Variants in BIRC6 observed in about 807,000 individuals in gnomAD.
The protein encoded by BIRC6 is baculoviral IAP repeat containing 6, also known as dual E2 ubiquitin-conjugating enzyme/E3 ubiquitin-protein ligase BIRC6.
Under a neutral mutation model 503.3 loss-of-function variants are expected in BIRC6, and 98 were observed. The ratio of observed to expected loss-of-function variants is 0.19; its 90% confidence interval spans 0.17 to 0.23. The LOEUF (loss-of-function observed/expected upper bound fraction) is 0.23. Among genes scored for constraint, BIRC6 ranks in the 10% least tolerant of loss-of-function variants. The pLI, the probability that BIRC6 is intolerant of heterozygous loss-of-function variation, is 1.00. For synonymous variants in BIRC6, 2,240 were observed against 2,078.7 expected (o/e 1.08, Z -2.11); for missense variants, 5,360 against 5,806.0 (o/e 0.92, Z 2.50).
chr2:32,584,288 G>A lies in BIRC6; in HGVS notation c.13355+8922G>A, dbSNP rs141222182. ...CTCTCACCTTTAATCCCAGCCCTTC[G>A]GGAGGCCAAGGCAGACAAATTAACT... On this transcript the variant is annotated intron_variant, in intron 66 of 73. Transcript: ENST00000421745. Among the ~76,000 whole-genome samples, 714 of 152,138 alleles carry A rather than the reference G, an allele frequency of 4.7e-3. 7 individuals carry two copies. The highest frequency in any genetic ancestry group is 0.017 in the African/African-American group (686 of 41,506).
At position 32,433,680 on chromosome 2, in the gene BIRC6, A is replaced by T. The variant is rs1574171776; in HGVS notation, c.3285A>T (p.Leu1095=). 6.2e-7 allele frequency: 1 copy of T among 1,602,482 alleles called. No homozygotes were observed. The highest frequency in any genetic ancestry group is 8.5e-7 in the Non-Finnish European group (1 of 1,171,728). ...SWDEHVFELV[L]PKACMVGHVD... is the part of the protein sequence containing the mutation. ...ATGAACATGTATTTGAATTAGTACT[A>T]CCTAAAGCTTGTATGGTTGGACATG... The change falls in exon 13 of 74, where the codon CTA becomes CTT. Residue 1095 remains leucine (L), a synonymous_variant. Coordinates refer to ENST00000421745, the MANE Select transcript of BIRC6 (RefSeq NM_016252.4).
intron 36 of BIRC6, 90 bp from the exon 37 acceptor site, chr2:32,479,372 C>A: frequency 1.6e-6 from 2 of 1,237,868 alleles, no homozygotes; most frequent in Non-Finnish European, 2.3e-6. Flanking sequence ...TTTATTCTGT[C>A]AGTGACTAAA....
Position 32,572,087 on chromosome 2 carries a change from A to T in BIRC6, c.13145-3069A>T, listed in dbSNP as rs970457131. On this transcript the variant is annotated intron_variant, in intron 65 of 73. Coordinates refer to ENST00000421745, the MANE Select transcript of BIRC6 (RefSeq NM_016252.4). ...TTTATTCCACTGTGGTCTTGAGAAGATACTTGATATGATTTCGATTTTCAA... is the reference window on the plus strand; with the variant it reads ...TTTATTCCACTGTGGTCTTGAGAAGTTACTTGATATGATTTCGATTTTCAA... Among the ~76,000 whole-genome samples, 5 of 152,250 alleles carry T rather than the reference A, an allele frequency of 3.3e-5. No individual in the cohort carries two copies. In the East Asian group the frequency reaches 9.6e-4, roughly 29 times the overall value.
chr2:32,455,792 GT>G (rs2148678536), intron 23 of BIRC6, among the ~76,000 whole-genome samples: 1 of 152,296 alleles, frequency 6.6e-6, no homozygotes, highest in Non-Finnish European at 1.5e-5. Flanking sequence ...AATGGAACGA[GT>G]TTCTTGTCTT....
chr2:32,543,281 C>T lies in BIRC6; in HGVS notation c.12332C>T (p.Pro4111Leu), dbSNP rs1390242930. ...PVVTSTTQEK[P>L]KDSDQFEWVT... ...GTAACATCTACCACTCAGGAAAAGCCGAAGGATAGCGATCAGTTTGAATGG... is the reference window on the plus strand; with the variant it reads ...GTAACATCTACCACTCAGGAAAAGCTGAAGGATAGCGATCAGTTTGAATGG... The change falls in exon 62 of 74, where the codon CCG (proline) becomes CTG (leucine). Residue 4111 changes from proline to leucine, a missense_variant. This residue lies in a region of BIRC6 where 878 missense variants were observed against 928.9 expected (regional missense o/e 0.95). Transcript: ENST00000421745. 19 of 1,613,806 alleles carry T rather than the reference C, an allele frequency of 1.2e-5. No homozygotes were observed. The South Asian group carries it at 1.2e-4, about 10-fold the overall frequency.
intron 48 of BIRC6, 72 bp from the exon 49 acceptor site, chr2:32,502,970 G>A: frequency 6.6e-7 from 1 of 1,516,080 alleles, no homozygotes; most frequent in South Asian, 1.2e-5. Flanking sequence ...GTAGTCTTTT[G>A]TGGAAGTTTA....
intron 61 of BIRC6, among the ~76,000 whole-genome samples, chr2:32,537,367 G>A (rs576551370): frequency 2.0e-4 from 31 of 152,052 alleles, no homozygotes; most frequent in Non-Finnish European, 1.2e-4. Context: ...TGGAAGTAAA[G>A]CACTCCTCAG....
At chr2:32,595,734 A>G (rs1186016569) in intron 68 of BIRC6, among the ~76,000 whole-genome samples, 2 of 152,196 alleles carry the variant, frequency 1.3e-5, no homozygotes, top group African/African-American at 4.8e-5. Context: ...CTTGGACTGT[A>G]TTTTTTTAAA....
intron 1 of BIRC6, among the ~76,000 whole-genome samples, chr2:32,374,402 G>A (rs1009870725): frequency 6.6e-6 from 1 of 151,918 alleles, no homozygotes; most frequent in Non-Finnish European, 1.5e-5. Flanking sequence ...GGGCTCAAGT[G>A]ATCCTCCCAC....
intron 6 of BIRC6, 41 bp downstream of exon 6, chr2:32,395,634 C>T (rs570187838): frequency 9.4e-6 from 14 of 1,489,828 alleles, no homozygotes; most frequent in African/African-American, 2.8e-5. Flanking sequence ...CTAAGTCAGT[C>T]GTGTAAATAA....
chr2:32,499,624 A>C lies in BIRC6; in HGVS notation c.8546A>C (p.Glu2849Ala). 2 of 1,613,718 alleles carry C rather than the reference A, an allele frequency of 1.2e-6. No homozygotes were observed. Among genetic ancestry groups the C allele is most frequent in the Non-Finnish European group, 1.7e-6 (2 of 1,179,842 alleles). Residue 2849 changes from glutamate (E) to alanine (A), a missense_variant, in exon 46 of 74, where the codon GAA (glutamate) becomes GCA (alanine). Transcript: ENST00000421745. Reference protein sequence around the residue: ...LLEFTLEQNFEVVSVSTISAV... With the variant: ...LLEFTLEQNFAVVSVSTISAV... Reference sequence around the variant, plus strand: ...GAATTCACTCTGGAGCAGAATTTTGAAGTCGTTTCAGTTAGTACTATTTCT... The same window carrying C: ...GAATTCACTCTGGAGCAGAATTTTGCAGTCGTTTCAGTTAGTACTATTTCT...
intron 61 of BIRC6, among the ~76,000 whole-genome samples, chr2:32,542,163 A>C (rs2057712916): frequency 6.6e-6 from 1 of 151,910 alleles, no homozygotes; most frequent in Non-Finnish European, 1.5e-5. Context: ...TGTATTTTCT[A>C]GGTATGTTTG....
rs763281926 is a variant in BIRC6 at position 32,464,571 on chromosome 2, A to C, written c.5004A>C (p.Ala1668=). Residue 1668 remains alanine, a synonymous_variant, in exon 25 of 74, where the codon GCA becomes GCC. Coordinates refer to ENST00000421745, the MANE Select transcript of BIRC6 (RefSeq NM_016252.4). The part of the protein sequence containing the change: ...TTAAAAAAAS[A]VGPVHNSVPS... ...CTGCAGCAGCTGCAGCAGCATCAGCAGTAGGTCCTGTTCACAACTCTGTGC... is the reference window on the plus strand; with the variant it reads ...CTGCAGCAGCTGCAGCAGCATCAGCCGTAGGTCCTGTTCACAACTCTGTGC... 1 of 1,609,774 alleles carries C rather than the reference A, an allele frequency of 6.2e-7. No homozygotes were observed.
chr2:32,361,637 G>A (rs1177507775), intron 1 of BIRC6, among the ~76,000 whole-genome samples: 1 of 152,094 alleles, frequency 6.6e-6, no homozygotes, highest in Non-Finnish European at 1.5e-5. Context: ...ATAAAGAATA[G>A]TTTCACTACC....
rs57008494 is a variant in BIRC6 at position 32,470,227 on chromosome 2, A to G, written c.6407A>G (p.Glu2136Gly). Residue 2136 changes from glutamate to glycine, a missense_variant, in exon 31 of 74, where the codon GAA becomes GGA. Around this residue, in one of 16 missense-constraint regions of BIRC6, gnomAD observed 2,299 missense variants for 2,267.2 expected, o/e 1.01. Transcript: ENST00000421745. ...QRSLSNSGVL[E>G]SLLNLLDNLL... ...TCACTTAGTAATAGTGGAGTATTAG[A>G]AAGCTTACTTAATCTCTTGGATAAT... 6.4e-6 allele frequency: 10 copies of G among 1,573,268 alleles called. No individual in the cohort carries two copies. The East Asian group carries it at 2.1e-4, about 32-fold the overall frequency.
intron 6 of BIRC6, 129 bp downstream of exon 6, chr2:32,395,722 G>T: frequency 1.4e-6 from 1 of 696,944 alleles, no homozygotes; most frequent in Admixed American, 2.2e-5. Flanking sequence ...ATTGTCCTGA[G>T]AATGAGCTAG....
chr2:32,383,933 C>T (rs977952661), intron 3 of BIRC6, among the ~76,000 whole-genome samples: 2 of 152,220 alleles, frequency 1.3e-5, no homozygotes, highest in African/African-American at 2.4e-5. Context: ...CATAAGTTCT[C>T]CTTGCCCCTG....
At chr2:32,560,833 C>T (rs2150675754) in intron 65 of BIRC6, among the ~76,000 whole-genome samples, 1 of 151,858 alleles carries the variant, frequency 6.6e-6, no homozygotes, top group South Asian at 2.1e-4. Context: ...CCTCCTGAGT[C>T]ACTGGGATTG....
chr2:32,478,901 C>T (rs935590901), intron 36 of BIRC6, 83 bp downstream of exon 36: 2 of 1,361,620 alleles, frequency 1.5e-6, no homozygotes, highest in Non-Finnish European at 2.0e-6. Context: ...GATCTTTAAC[C>T]CCTAGAGGGA....
Sources: gnomAD v4.1 joint callset for allele counts (sites outside exome capture counted in the v4.1 genomes callset) on GRCh38, gnomAD v4.1.1 for gene constraint, gnomAD v4.1.1 regional missense constraint, MANE v1.5 for transcripts, NCBI Gene and HGNC (gene_info 2026-07-23, HGNC 2026-07-21) for gene names.